The following FER variants were observed in gnomAD, a reference collection of about 807,000 sequenced individuals.
FER encodes the protein tyrosine-protein kinase Fer.
Under a neutral mutation model 111.0 loss-of-function variants are expected in FER, and 63 were observed. The observed-to-expected ratio is 0.57, with a 90% CI of 0.46 to 0.70. The LOEUF is 0.70. Ranked by LOEUF, FER falls within the 30% of genes least tolerant of loss-of-function variation. The pLI is 0.00. For synonymous variants in FER, 327 were observed against 313.9 expected (o/e 1.04, Z -0.44); for missense variants, 914 against 954.0 (o/e 0.96, Z 0.55).
At chr5:108,922,901 G>A (rs1375202872) in intron 10 of FER, among the ~76,000 whole-genome samples, 1 of 152,126 alleles carries the variant, frequency 6.6e-6, no homozygotes, top group African/African-American at 2.4e-5. Flanking sequence ...CTTAATCTAA[G>A]AAACAGTATA....
At chr5:108,879,701 A>ATATATATATATATATATATAT (rs1554084619) in intron 8 of FER, among the ~76,000 whole-genome samples, 180 of 99,022 alleles carry the variant, frequency 1.8e-3, no homozygotes, top group Non-Finnish European at 2.7e-3. Context: ...ATTAAAAAAA[A>ATATATATATATATATATATAT]ATATATATAT....
chr5:108,845,067 T>TATATATATACAC (rs1486282738), intron 5 of FER, among the ~76,000 whole-genome samples: 1 of 53,856 alleles, frequency 1.9e-5, no homozygotes, highest in African/African-American at 7.6e-5. Flanking sequence ...TATATATATA[T>TATATATATACAC]ACACACACAC....
chr5:108,877,030 C>T lies in FER; in HGVS notation c.923+4818C>T, dbSNP rs1482844413. ...TTGGTGGCAAAGTCTAAAATATTTG[C>T]TTTCTGTGCTTTTATCAGAAAATGG... On this transcript the variant is annotated intron_variant, in intron 8 of 19. Coordinates refer to ENST00000281092, the MANE Select transcript of FER (RefSeq NM_005246.4). Among the ~76,000 whole-genome samples, 2 of 152,192 alleles carry T rather than the reference C, an allele frequency of 1.3e-5. 1 individual carries two copies. Among genetic ancestry groups the T allele is most frequent in the South Asian group, 4.2e-4 (2 of 4,816 alleles).
chr5:109,064,805 G>A (rs182593687), intron 16 of FER, among the ~76,000 whole-genome samples: 1 of 152,244 alleles, frequency 6.6e-6, no homozygotes, highest in East Asian at 1.9e-4. Context: ...GAAAGTGTAG[G>A]AGTTATGAAT....
At position 108,914,501 on chromosome 5, in the gene FER, T is replaced by C. The variant is rs184758551; in HGVS notation, c.1236+16653T>C. Among the ~76,000 whole-genome samples the C allele has an allele frequency of 1.6e-3, 251 of 152,350 alleles. 1 individual carries two copies. The highest frequency in any genetic ancestry group is 5.6e-3 in the African/African-American group (231 of 41,578). On this transcript the variant is annotated intron_variant, in intron 10 of 19. Transcript: ENST00000281092. ...GTTGTATTCTTCAGATCTCTTGTGG[T>C]TGAAAAATAATGACTTTTGGGCAAA...
chr5:109,177,062 GT>G (rs1273354695), intron 17 of FER, among the ~76,000 whole-genome samples: 1 of 152,096 alleles, frequency 6.6e-6, no homozygotes, highest in Admixed American at 6.5e-5. Context: ...ACATTCTTTT[GT>G]GTTTAAATTT....
intron 16 of FER, chr5:109,052,123 T>G (rs1772925167): frequency 6.2e-7 from 1 of 1,604,454 alleles, no homozygotes; most frequent in Non-Finnish European, 8.5e-7. Context: ...AACCTTGAGT[T>G]CCTCCTCTTT....
chr5:109,154,062 A>T (rs1755116409), intron 17 of FER, among the ~76,000 whole-genome samples: 1 of 144,538 alleles, frequency 6.9e-6, no homozygotes, highest in Non-Finnish European at 1.5e-5. Context: ...AGTATAGTTA[A>T]TATGCATACT....
chr5:109,135,390 C>A (rs1224654883), intron 17 of FER, among the ~76,000 whole-genome samples: 2 of 152,190 alleles, frequency 1.3e-5, no homozygotes, highest in Non-Finnish European at 2.9e-5. Context: ...AGGGCAGAAC[C>A]AGCTTTTGAA....
chr5:108,844,596 A>G (rs1761687852), intron 5 of FER, among the ~76,000 whole-genome samples: 1 of 152,134 alleles, frequency 6.6e-6, no homozygotes, highest in Non-Finnish European at 1.5e-5. Context: ...GATAATGAAC[A>G]TGTCTTTCAC....
chr5:109,172,731 T>C (rs573491083), intron 17 of FER, among the ~76,000 whole-genome samples: 1 of 152,272 alleles, frequency 6.6e-6, no homozygotes, highest in South Asian at 2.1e-4. Context: ...CCCACCAAGT[T>C]CCTTTAGACC....
chr5:109,054,770 G>A (rs10062069), intron 16 of FER, among the ~76,000 whole-genome samples: 19,509 of 152,064 alleles, frequency 0.13, 1,301 homozygotes, highest in South Asian at 0.2. Context: ...ATATAGTGTG[G>A]GAAATGGTTA....
chr5:108,905,912 A>G (rs1262289728), intron 10 of FER, among the ~76,000 whole-genome samples: 1 of 152,188 alleles, frequency 6.6e-6, no homozygotes, highest in Admixed American at 6.5e-5. Flanking sequence ...TGGCAATGGT[A>G]TTCTAACAGG....
chr5:108,839,165 G>T (rs1302210981), intron 5 of FER, among the ~76,000 whole-genome samples: 2 of 152,002 alleles, frequency 1.3e-5, no homozygotes, highest in Admixed American at 1.3e-4. Flanking sequence ...TCTTATAGAC[G>T]GGAAATCACC....
At chr5:109,112,052 TAC>T (rs905793137) in intron 17 of FER, among the ~76,000 whole-genome samples, 4 of 152,224 alleles carry the variant, frequency 2.6e-5, no homozygotes, top group Admixed American at 6.5e-5. Flanking sequence ...CTTCTTTTAT[TAC>T]ACAGTTTTAT....
chr5:109,068,330 C>T (rs2149986680), intron 16 of FER, among the ~76,000 whole-genome samples: 1 of 152,104 alleles, frequency 6.6e-6, no homozygotes, highest in South Asian at 2.1e-4. Flanking sequence ...GCTATAGGCG[C>T]CCGCCTCCAC....
At chr5:109,039,412 C>T (rs913181348) in intron 14 of FER, among the ~76,000 whole-genome samples, 4 of 151,984 alleles carry the variant, frequency 2.6e-5, no homozygotes, top group Admixed American at 1.3e-4. Context: ...CTTTCTCTTA[C>T]GGAGCTTAAT....
chr5:109,178,485 T>C (rs1203838348), intron 17 of FER, among the ~76,000 whole-genome samples: 1 of 152,214 alleles, frequency 6.6e-6, no homozygotes, highest in Non-Finnish European at 1.5e-5. Flanking sequence ...AGTGAAATCC[T>C]ATACACGACT....
chr5:109,187,351 T>G, intron 19 of FER, 82 bp from the exon 20 acceptor site: 1 of 1,433,056 alleles, frequency 7.0e-7, no homozygotes, highest in Non-Finnish European at 9.5e-7. Flanking sequence ...TACCAAAAGT[T>G]AATAACTGCA....
Sources: allele counts gnomAD v4.1 joint callset (sites outside exome capture counted in the v4.1 genomes callset), GRCh38; gene constraint gnomAD v4.1.1; transcripts MANE v1.5; gene names NCBI Gene and HGNC (gene_info 2026-07-23, HGNC 2026-07-21).